Variants in TOGARAM1 observed in about 807,000 individuals in gnomAD.
TOGARAM1 encodes TOG array regulator of axonemal microtubules 1.
A neutral mutation model predicts 166.6 loss-of-function variants in TOGARAM1; 100 were observed. The ratio of observed to expected loss-of-function variants is 0.60; its 90% confidence interval spans 0.51 to 0.71. The LOEUF is 0.71. Ranked by LOEUF, TOGARAM1 falls within the 30% of genes least tolerant of loss-of-function variation. The pLI is 0.00. For synonymous variants in TOGARAM1, 758 were observed against 763.8 expected, an observed-to-expected ratio of 0.99 and a Z score of 0.13; for missense variants, 2,029 against 2,102.7, an observed-to-expected ratio of 0.96 and a Z score of 0.69.
intron 1 of TOGARAM1, among the ~76,000 whole-genome samples, chr14:44,971,360 C>T (rs997365396): frequency 6.6e-6 from 1 of 151,932 alleles, no homozygotes; most frequent in Admixed American, 6.6e-5. Context: ...AATAGTATTC[C>T]TTTATTATCC....
At chr14:45,049,918 C>T (rs1474158691) in intron 14 of TOGARAM1, among the ~76,000 whole-genome samples, 1 of 151,944 alleles carries the variant, frequency 6.6e-6, no homozygotes, top group African/African-American at 2.4e-5. Flanking sequence ...CTTTCTAGCC[C>T]ATTTTGTCAT....
At chr14:45,016,009 G>A (rs1880112241) in intron 7 of TOGARAM1, among the ~76,000 whole-genome samples, 1 of 152,042 alleles carries the variant, frequency 6.6e-6, no homozygotes, top group African/African-American at 2.4e-5. Context: ...GAGAGAAATG[G>A]GGAAATAGCT....
intron 10 of TOGARAM1, among the ~76,000 whole-genome samples, chr14:45,031,303 G>A (rs532471481): frequency 1.1e-4 from 17 of 152,158 alleles, no homozygotes; most frequent in Non-Finnish European, 1.8e-4. Flanking sequence ...CACGTGTCTC[G>A]CATTATATAG....
At chr14:44,990,953 CTTTT>C (rs1171702041) in intron 1 of TOGARAM1, among the ~76,000 whole-genome samples, 60 of 74,184 alleles carry the variant, frequency 8.1e-4, no homozygotes, top group Non-Finnish European at 1.9e-4. Flanking sequence ...CCAGCTGAGG[CTTTT>C]TTTTTTTTTT....
At position 45,073,491 on chromosome 14, in the gene TOGARAM1, C is replaced by T. The variant is rs1237395358; in HGVS notation, c.5252C>T (p.Ala1751Val). The T allele has an allele frequency of 1.9e-6, 3 of 1,613,960 alleles. No individual in the cohort carries two copies. The highest frequency in any genetic ancestry group is 2.2e-5 in the East Asian group (1 of 44,884). ...QMGQNLLNQA[A>V]SQPPHIKKSL... ...GGTCAGAATCTGTTAAATCAGGCTG[C>T]ATCTCAACCACCACATATCAAAAAG... is the stretch of plus-strand genomic sequence containing the variant. The change falls in exon 20 of 20, where the codon GCA becomes GTA. Residue 1751 changes from alanine to valine, a missense_variant. Physicochemically the swap from Ala to Val is moderately conservative, Grantham distance 64 (BLOSUM62 0). This residue lies in a region of TOGARAM1 where 576 missense variants were observed against 670.5 expected (regional missense o/e 0.86). Coordinates refer to ENST00000361462, the MANE Select transcript of TOGARAM1 (RefSeq NM_001308120.2).
intron 17 of TOGARAM1, 35 bp from the exon 18 acceptor site, chr14:45,068,389 A>G (rs775449331): frequency 1.4e-6 from 2 of 1,441,870 alleles, no homozygotes; most frequent in Non-Finnish European, 1.9e-6. Context: ...TATAAAAATC[A>G]TTTTACTTTA....
chr14:44,999,256 T>C (rs1887576353), intron 2 of TOGARAM1, 107 bp from the exon 3 acceptor site: 1 of 1,195,376 alleles, frequency 8.4e-7, no homozygotes, highest in Non-Finnish European at 1.1e-6. Flanking sequence ...ACTTAAACAC[T>C]TATATTTATT....
intron 17 of TOGARAM1, among the ~76,000 whole-genome samples, chr14:45,067,891 G>A (rs976812510): frequency 6.6e-6 from 1 of 152,068 alleles, no homozygotes; most frequent in Non-Finnish European, 1.5e-5. Flanking sequence ...TAAGGATTCT[G>A]AAGAGCAAGG....
rs564343769 is a variant in TOGARAM1 at position 44,980,393 on chromosome 14, C to T, written c.2047-15353C>T. Among the ~76,000 whole-genome samples, 65 of 152,234 alleles carry T rather than the reference C, an allele frequency of 4.3e-4. 1 individual carries two copies. The East Asian group carries it at 0.011, about 26-fold the overall frequency. On this transcript the variant is annotated intron_variant, in intron 1 of 19. Coordinates refer to ENST00000361462, the MANE Select transcript of TOGARAM1 (RefSeq NM_001308120.2). ...TTAAATGTAATAGTGGCAGGCCGGG[C>T]GGGTGGCTTACACTTGTAATTGCAC...
intron 1 of TOGARAM1, among the ~76,000 whole-genome samples, chr14:44,973,618 C>A (rs66488071): frequency 6.6e-5 from 10 of 150,816 alleles, no homozygotes; most frequent in Admixed American, 2.0e-4. Context: ...ATATATATAT[C>A]TCTCTCCAGG....
At chr14:44,995,234 C>G (rs1476220514) in intron 1 of TOGARAM1, among the ~76,000 whole-genome samples, 1 of 152,140 alleles carries the variant, frequency 6.6e-6, no homozygotes, top group Non-Finnish European at 1.5e-5. Flanking sequence ...AACTAAGAGA[C>G]CTAGTGTAAG....
chr14:45,051,297 A>T (rs976908691), intron 14 of TOGARAM1, among the ~76,000 whole-genome samples: 4 of 152,332 alleles, frequency 2.6e-5, no homozygotes, highest in Admixed American at 6.5e-5. Context: ...GGAAAAACAG[A>T]GAATGAGAAA....
At chr14:45,035,968 G>GA (rs1191483712) in intron 11 of TOGARAM1, among the ~76,000 whole-genome samples, 1 of 144,758 alleles carries the variant, frequency 6.9e-6, no homozygotes, top group African/African-American at 2.5e-5. Flanking sequence ...AAAAAAGAAA[G>GA]AAAAAAAATT....
chr14:44,977,139 A>G (rs1013030127), intron 1 of TOGARAM1, among the ~76,000 whole-genome samples: 1 of 151,976 alleles, frequency 6.6e-6, no homozygotes. Flanking sequence ...CTAACTCTTC[A>G]TATTCTGCTT....
intron 17 of TOGARAM1, among the ~76,000 whole-genome samples, chr14:45,067,593 T>C (rs528672672): frequency 5.9e-5 from 9 of 152,280 alleles, no homozygotes; most frequent in South Asian, 2.1e-4. Context: ...ATGTGCATTA[T>C]ACTTGGCAAA....
At chr14:45,068,067 C>G (rs937269303) in intron 17 of TOGARAM1, among the ~76,000 whole-genome samples, 8 of 152,116 alleles carry the variant, frequency 5.3e-5, no homozygotes, top group African/African-American at 1.9e-4. Context: ...AGAAACTTTT[C>G]TAAGTTCTTA....
At chr14:45,065,326 C>T (rs1883090341) in intron 16 of TOGARAM1, among the ~76,000 whole-genome samples, 1 of 152,090 alleles carries the variant, frequency 6.6e-6, no homozygotes, top group Non-Finnish European at 1.5e-5. Flanking sequence ...CTTCCCTTGC[C>T]ACACTGCAGA....
At chr14:44,970,705 T>C (rs1885837548) in intron 1 of TOGARAM1, among the ~76,000 whole-genome samples, 1 of 152,142 alleles carries the variant, frequency 6.6e-6, no homozygotes, top group South Asian at 2.1e-4. Flanking sequence ...GTTGAGAAAG[T>C]TCCCCCTGTA....
intron 11 of TOGARAM1, among the ~76,000 whole-genome samples, chr14:45,038,005 G>A (rs973854609): frequency 2.0e-5 from 3 of 151,932 alleles, no homozygotes; most frequent in Admixed American, 6.6e-5. Context: ...GTGACAGAGC[G>A]AGACTCCATC....
Sources: allele counts gnomAD v4.1 joint callset (sites outside exome capture counted in the v4.1 genomes callset), GRCh38; gene constraint gnomAD v4.1.1; regional missense constraint gnomAD v4.1.1; transcripts MANE v1.5; gene names NCBI Gene and HGNC (gene_info 2026-07-23, HGNC 2026-07-21).